The following GRIA3 variants were observed in gnomAD, a reference collection of about 807,000 sequenced individuals.
GRIA3 encodes glutamate receptor 3.
Under a neutral mutation model 63.0 loss-of-function variants are expected in GRIA3, and 3 were observed. The observed-to-expected ratio is 0.05, with a 90% CI of 0.02 to 0.12. The LOEUF is 0.12. Ranked by LOEUF, GRIA3 falls within the 10% of genes least tolerant of loss-of-function variation. The pLI is 1.00. For missense variants in GRIA3, 347 were observed against 700.9 expected (o/e 0.50, Z 5.70); for synonymous variants, 274 against 257.9 (o/e 1.06, Z -0.60).
intron 2 of GRIA3, among the ~76,000 whole-genome samples, chrX:123,233,972 T>C (rs1476494638): frequency 1.8e-5 from 2 of 111,745 alleles, no homozygotes; most frequent in Non-Finnish European, 3.8e-5. Flanking sequence ...TACAGTAAAA[T>C]TAAGAAAATA....
At chrX:123,348,121 G>A (rs1339971127) in intron 4 of GRIA3, among the ~76,000 whole-genome samples, 1 of 111,857 alleles carries the variant, frequency 8.9e-6, no homozygotes, top group Non-Finnish European at 1.9e-5. Context: ...CCCATACAGT[G>A]CTTTCAGTAT....
chrX:123,482,486 G>A (rs1406512937), intron 14 of GRIA3, among the ~76,000 whole-genome samples: 1 of 111,800 alleles, frequency 8.9e-6, no homozygotes, highest in East Asian at 2.8e-4. Flanking sequence ...AATTATGCTT[G>A]TGTTTACTCT....
At chrX:123,283,349 AT>A (rs945678479) in intron 3 of GRIA3, among the ~76,000 whole-genome samples, 19 of 110,159 alleles carry the variant, frequency 1.7e-4, no homozygotes, top group Non-Finnish European at 2.9e-4. Flanking sequence ...TAGCTGCAGG[AT>A]TTTTTTTTCA....
intron 2 of GRIA3, among the ~76,000 whole-genome samples, chrX:123,195,499 C>T (rs1236571676): frequency 8.9e-6 from 1 of 111,828 alleles, no homozygotes. Flanking sequence ...ATAGGGGCTA[C>T]GCAGACCACA....
intron 5 of GRIA3, among the ~76,000 whole-genome samples, chrX:123,381,342 A>G (rs769011457): frequency 3.6e-5 from 4 of 111,679 alleles, no homozygotes; most frequent in African/African-American, 6.5e-5. Flanking sequence ...CCTAACCTCC[A>G]TCTTCCTACC....
chrX:123,242,924 T>C lies in GRIA3; in HGVS notation c.269-10379T>C, dbSNP rs1451715398. ...ATAAATAACATATATCACTTATCAA[T>C]TGAGCACAGACTATATGAAAGTCAT... On this transcript the variant is annotated intron_variant, in intron 2 of 15. Transcript: ENST00000620443. Among the ~76,000 whole-genome samples, 16 of 112,418 alleles carry C rather than the reference T, an allele frequency of 1.4e-4. No homozygotes were observed. The Admixed American group carries it at 1.5e-3, about 11-fold the overall frequency.
At chrX:123,238,151 T>C (rs1483932551) in intron 2 of GRIA3, among the ~76,000 whole-genome samples, 1 of 111,846 alleles carries the variant, frequency 8.9e-6, no homozygotes, top group Non-Finnish European at 1.9e-5. Flanking sequence ...CTCTATTGCA[T>C]GCTCATGTTT....
intron 5 of GRIA3, among the ~76,000 whole-genome samples, chrX:123,367,030 C>T (rs1011180353): frequency 9.0e-6 from 1 of 111,190 alleles, no homozygotes; most frequent in Non-Finnish European, 1.9e-5. Flanking sequence ...TCATGAGTAT[C>T]CCCATAGTCA....
At chrX:123,273,608 C>G (rs1186249469) in intron 3 of GRIA3, among the ~76,000 whole-genome samples, 1 of 111,518 alleles carries the variant, frequency 9.0e-6, no homozygotes, top group Non-Finnish European at 1.9e-5. Context: ...CAATGGTAAC[C>G]CAAAAGGAAG....
chrX:123,467,806 G>A (rs2045842494), intron 13 of GRIA3, among the ~76,000 whole-genome samples: 1 of 111,899 alleles, frequency 8.9e-6, no homozygotes, highest in Non-Finnish European at 1.9e-5. Flanking sequence ...TTTTCACCCA[G>A]ATGTTTTGGT....
At chrX:123,285,516 C>T (rs1295149045) in intron 3 of GRIA3, among the ~76,000 whole-genome samples, 1 of 88,660 alleles carries the variant, frequency 1.1e-5, no homozygotes, top group Non-Finnish European at 2.1e-5. Flanking sequence ...ATCTCACATG[C>T]AAAGACACAC....
intron 3 of GRIA3, among the ~76,000 whole-genome samples, chrX:123,285,284 C>T (rs73229276): frequency 0.2 from 22,056 of 109,866 alleles, 1,665 homozygotes; most frequent in Non-Finnish European, 0.23. Context: ...CCGGTACCAG[C>T]CACCGCAAAA....
At chrX:123,356,262 CCTTT>C (rs1209635354) in intron 5 of GRIA3, among the ~76,000 whole-genome samples, 9 of 110,344 alleles carry the variant, frequency 8.2e-5, no homozygotes, top group Non-Finnish European at 3.8e-5. Context: ...TTCTTTCCTT[CCTTT>C]CTGTTTTCCT....
intron 3 of GRIA3, among the ~76,000 whole-genome samples, chrX:123,302,535 T>C (rs976873744): frequency 9.0e-6 from 1 of 111,560 alleles, no homozygotes; most frequent in Non-Finnish European, 1.9e-5. Flanking sequence ...GGTCAAAATA[T>C]GCCTCTCTCT....
At chrX:123,464,523 T>C (rs2045824622) in intron 12 of GRIA3, among the ~76,000 whole-genome samples, 1 of 111,659 alleles carries the variant, frequency 9.0e-6, no homozygotes, top group East Asian at 2.8e-4. Flanking sequence ...GGAGATTTTT[T>C]CATTGAGAGG....
chrX:123,210,877 T>C (rs1258129625), intron 2 of GRIA3, among the ~76,000 whole-genome samples: 1 of 112,217 alleles, frequency 8.9e-6, no homozygotes, highest in Admixed American at 9.4e-5. Context: ...AGGTACATTC[T>C]AGAAGAATAT....
At chrX:123,235,990 T>C (rs762532920) in intron 2 of GRIA3, among the ~76,000 whole-genome samples, 33 of 111,710 alleles carry the variant, frequency 3.0e-4, no homozygotes, top group Non-Finnish European at 3.2e-4. Flanking sequence ...TAAGTTCATC[T>C]GCTTTCCACA....
chrX:123,318,663 T>A (rs776758684), intron 3 of GRIA3, among the ~76,000 whole-genome samples: 7 of 111,894 alleles, frequency 6.3e-5, no homozygotes, highest in African/African-American at 2.3e-4. Context: ...CATATCACTA[T>A]CAGCATTTTT....
chrX:123,343,180 C>T (rs1422493413), intron 4 of GRIA3, among the ~76,000 whole-genome samples: 1 of 111,763 alleles, frequency 8.9e-6, no homozygotes. Flanking sequence ...TCGTTTAACA[C>T]CATGCGTTGT....
Sources: gnomAD v4.1 joint callset for allele counts (sites outside exome capture counted in the v4.1 genomes callset) on GRCh38, gnomAD v4.1.1 for gene constraint, MANE v1.5 for transcripts, NCBI Gene and HGNC (gene_info 2026-07-23, HGNC 2026-07-21) for gene names.